The following SEPTIN9 variants were observed in gnomAD, a reference collection of about 807,000 sequenced individuals.
SEPTIN9 encodes septin 9, also known as septin-9.
A neutral mutation model predicts 56.6 loss-of-function variants in SEPTIN9; 13 were observed. The ratio of observed to expected loss-of-function variants is 0.23; its 90% CI spans 0.15 to 0.37. The LOEUF is 0.37. SEPTIN9 is among the 10% of genes least tolerant of loss of function. The pLI, the probability that SEPTIN9 is intolerant of heterozygous loss-of-function variation, is 1.00. For synonymous variants in SEPTIN9, 332 were observed against 334.1 expected (o/e 0.99, Z 0.07); for missense variants, 650 against 823.1 (o/e 0.79, Z 2.57).
chr17:77,464,623 C>T lies in SEPTIN9; in HGVS notation c.722-17521C>T, dbSNP rs189727963. Among the ~76,000 whole-genome samples the T allele has an allele frequency of 1.9e-3, 283 of 148,980 alleles. 2 individuals carry two copies. Among genetic ancestry groups the T allele is most frequent in the African/African-American group, 6.4e-3 (258 of 40,478 alleles). Reference sequence around the variant, plus strand: ...GAAATTTTTTTTTTTTTTTTTGAGACGGAGTCTCGCTCTGTCGCCCAGGCT... The same window carrying T: ...GAAATTTTTTTTTTTTTTTTTGAGATGGAGTCTCGCTCTGTCGCCCAGGCT... On this transcript the variant is annotated intron_variant, in intron 3 of 11. Coordinates refer to ENST00000427177, the MANE Select transcript of SEPTIN9 (RefSeq NM_001113491.2).
chr17:77,320,836 G>A (rs1051919059), intron 2 of SEPTIN9, among the ~76,000 whole-genome samples: 4 of 152,236 alleles, frequency 2.6e-5, no homozygotes, highest in African/African-American at 9.6e-5. Context: ...GTTGATTATA[G>A]AGGGGGAAGC....
intron 3 of SEPTIN9, among the ~76,000 whole-genome samples, chr17:77,439,405 G>T (rs1185242785): frequency 6.6e-6 from 1 of 152,170 alleles, no homozygotes; most frequent in Non-Finnish European, 1.5e-5. Flanking sequence ...TGGCCTGAGG[G>T]CTGGGGCCTG....
intron 4 of SEPTIN9, among the ~76,000 whole-genome samples, chr17:77,486,411 T>C (rs937584821): frequency 3.9e-5 from 6 of 151,972 alleles, no homozygotes; most frequent in Admixed American, 3.9e-4. Flanking sequence ...GCCTAGGGTA[T>C]TTTTTTTGGT....
chr17:77,298,488 C>T (rs1302420853), intron 1 of SEPTIN9, among the ~76,000 whole-genome samples: 1 of 152,240 alleles, frequency 6.6e-6, no homozygotes, highest in Non-Finnish European at 1.5e-5. Context: ...TTCCCCACCG[C>T]AGCTGCTGCA....
At chr17:77,457,833 G>T (rs1450626232) in intron 3 of SEPTIN9, among the ~76,000 whole-genome samples, 1 of 152,252 alleles carries the variant, frequency 6.6e-6, no homozygotes, top group Non-Finnish European at 1.5e-5. Flanking sequence ...TGTTTAGTTG[G>T]TGAGAAAGTG....
intron 2 of SEPTIN9, among the ~76,000 whole-genome samples, chr17:77,385,680 A>T (rs1364936742): frequency 6.6e-6 from 1 of 152,208 alleles, no homozygotes; most frequent in East Asian, 1.9e-4. Flanking sequence ...CAGTCAGGGG[A>T]CCTGAGGCCT....
intron 2 of SEPTIN9, among the ~76,000 whole-genome samples, chr17:77,340,732 A>G (rs1403337601): frequency 3.3e-5 from 5 of 152,242 alleles, no homozygotes; most frequent in Admixed American, 1.3e-4. Context: ...TGGGACATCT[A>G]TGCTGAAATT....
intron 2 of SEPTIN9, among the ~76,000 whole-genome samples, chr17:77,393,847 A>G (rs1568034154): frequency 6.6e-6 from 1 of 151,952 alleles, no homozygotes; most frequent in Non-Finnish European, 1.5e-5. Flanking sequence ...CAGCCTCCCA[A>G]AGTGTTAGGA....
chr17:77,403,345 C>G (rs980713720), intron 3 of SEPTIN9, among the ~76,000 whole-genome samples: 1 of 152,198 alleles, frequency 6.6e-6, no homozygotes, highest in Non-Finnish European at 1.5e-5. Flanking sequence ...GAAGGGGTGC[C>G]TGGACCAGGG....
chr17:77,319,755 C>T lies in SEPTIN9; in HGVS notation c.76+12558C>T, dbSNP rs556817142. 1.5e-5 allele frequency: 16 copies of T among 1,071,394 alleles called. No homozygotes were observed. The highest frequency in any genetic ancestry group is 4.9e-5 in the East Asian group (1 of 20,240). 66.4% of individuals were successfully genotyped at this position (1,071,394 alleles called of 1,614,324 possible). ...TAAGCCCAAGGAAATCGTAGCATCG[C>T]GGGACAGGGAAAATGAAAGACTTTG... On this transcript the variant is annotated intron_variant, in intron 2 of 11. Coordinates refer to ENST00000427177, the MANE Select transcript of SEPTIN9 (RefSeq NM_001113491.2). This position sits in a 1 kb window ranked among gnomAD's most constrained non-coding sequence, Gnocchi z 5.3.
In SEPTIN9 at chr17:77,323,329, G is replaced by A. The variant is rs187295729; in HGVS notation, c.76+16132G>A. On this transcript the variant is annotated intron_variant, in intron 2 of 11. Transcript: ENST00000427177. The surrounding 1 kb of genome is among the most constrained non-coding windows in gnomAD (Gnocchi z 6.8). ...CGGAGCTTTTTTTTTGTTCTGGAAC[G>A]GCTTTGTGGCTTTTACAAATTAAGC... Among the ~76,000 whole-genome samples, 10 of 152,216 alleles carry A rather than the reference G, an allele frequency of 6.6e-5. No homozygotes were observed. The highest frequency in any genetic ancestry group is 1.4e-4 in the African/African-American group (6 of 41,540).
At chr17:77,422,278 C>G (rs1457659810) in intron 3 of SEPTIN9, among the ~76,000 whole-genome samples, 1 of 152,186 alleles carries the variant, frequency 6.6e-6, no homozygotes, top group Non-Finnish European at 1.5e-5. Flanking sequence ...TCAGGCCTCT[C>G]GTGACATCAG....
At chr17:77,373,519 G>A (rs1446574280) in intron 2 of SEPTIN9, 18 of 1,542,936 alleles carry the variant, frequency 1.2e-5, no homozygotes, top group Admixed American at 2.0e-5. Flanking sequence ...CGCGGTCAAC[G>A]CGCAGCTGGA....
At chr17:77,290,555 C>T (rs1217554616) in intron 1 of SEPTIN9, among the ~76,000 whole-genome samples, 2 of 151,840 alleles carry the variant, frequency 1.3e-5, no homozygotes, top group East Asian at 2.0e-4. Flanking sequence ...GGGCCGGGAG[C>T]GGTGGCTCAC....
At position 77,451,390 on chromosome 17, in the gene SEPTIN9, C is replaced by A. The variant is rs542364996; in HGVS notation, c.722-30754C>A. 33 of 985,810 alleles carry A rather than the reference C, an allele frequency of 3.3e-5. No homozygotes were observed. In the East Asian group the frequency reaches 3.4e-3, roughly 102 times the overall value. 61.1% of individuals were successfully genotyped at this position (985,810 alleles called of 1,614,324 possible). A position where few individuals can be genotyped will look rare whatever the true frequency, so the allele number is the denominator to read the frequency against. ...AGGCAGTCGAGGTCCCTCCCTACCT[C>A]TGCCCCGCGCTCTGGGAGGCTCCTT... On this transcript the variant is annotated intron_variant, in intron 3 of 11. Coordinates refer to ENST00000427177, the MANE Select transcript of SEPTIN9 (RefSeq NM_001113491.2). The surrounding 1 kb of genome is among the most constrained non-coding windows in gnomAD (Gnocchi z 4.2).
At position 77,330,525 on chromosome 17, in the gene SEPTIN9, C is replaced by T. The variant is rs1335831745; in HGVS notation, c.76+23328C>T. ...GGCAGCCTTTCCTGGATTCTTCCTC[C>T]GTTCTCCCCTGGGCAGTGTTTCTGT... is the stretch of plus-strand genomic sequence containing the variant. On this transcript the variant is annotated intron_variant, in intron 2 of 11. Transcript: ENST00000427177. This position sits in a 1 kb window ranked among gnomAD's most constrained non-coding sequence, Gnocchi z 4.4. 6.6e-6 allele frequency among the ~76,000 whole-genome samples: 1 copy of T among 152,206 alleles called. No homozygotes were observed. Among genetic ancestry groups the T allele is most frequent in the Non-Finnish European group, 1.5e-5 (1 of 68,038 alleles).
rs1455634134 is a variant in SEPTIN9, at chr17:77,425,349, C to T, written c.721+22646C>T. On this transcript the variant is annotated intron_variant, in intron 3 of 11. Coordinates refer to ENST00000427177, the MANE Select transcript of SEPTIN9 (RefSeq NM_001113491.2). This position sits in a 1 kb window ranked among gnomAD's most constrained non-coding sequence, Gnocchi z 4.2. ...CTGTGGCTGTGGGGCCCTCTCCTGCCTGCAGCTGAGAGCCCTTGACCCGCA... is the reference window on the plus strand; with the variant it reads ...CTGTGGCTGTGGGGCCCTCTCCTGCTTGCAGCTGAGAGCCCTTGACCCGCA... 4.6e-5 allele frequency among the ~76,000 whole-genome samples: 7 copies of T among 152,206 alleles called. No homozygotes were observed. The highest frequency in any genetic ancestry group is 7.3e-5 in the Non-Finnish European group (5 of 68,034).
chr17:77,384,255 C>T (rs1303446868), intron 2 of SEPTIN9, among the ~76,000 whole-genome samples: 41 of 152,086 alleles, frequency 2.7e-4, no homozygotes, highest in Admixed American at 1.3e-4. Flanking sequence ...TGTGGGACCT[C>T]GGGCAGGTTT....
At chr17:77,342,939 C>G (rs537659567) in intron 2 of SEPTIN9, among the ~76,000 whole-genome samples, 8 of 152,132 alleles carry the variant, frequency 5.3e-5, no homozygotes, top group Admixed American at 1.3e-4. Flanking sequence ...TGCACTACTG[C>G]ACTCCAGCCT....
Sources: allele counts gnomAD v4.1 joint callset (sites outside exome capture counted in the v4.1 genomes callset), GRCh38; gene constraint gnomAD v4.1.1; non-coding constraint Gnocchi (gnomAD v3.1); transcripts MANE v1.5; gene names NCBI Gene and HGNC (gene_info 2026-07-23, HGNC 2026-07-21).